PCDHA5: variants seen among roughly 807,000 people sequenced by gnomAD.
PCDHA5 encodes the protein protocadherin alpha 5, also known as protocadherin alpha-5.
A neutral mutation model predicts 61.6 loss-of-function variants in PCDHA5; 43 were observed. The ratio of observed to expected loss-of-function variants is 0.70; its 90% CI spans 0.55 to 0.90. PCDHA5 has a LOEUF of 0.90. PCDHA5 is among the 40% of genes least tolerant of loss of function. The pLI is 0.00. For missense variants in PCDHA5, 1,298 were observed against 1,222.7 expected (o/e 1.06, Z -0.92); for synonymous variants, 627 against 543.9 (o/e 1.15, Z -2.13).
Position 140,822,502 on chromosome 5 carries a change from A to C in PCDHA5, c.727A>C (p.Lys243Gln). 1 of 1,613,896 alleles carries C rather than the reference A, an allele frequency of 6.2e-7. No individual in the cohort carries two copies. The change falls in exon 1 of 4, where the codon AAA (lysine) becomes CAA (glutamine). Residue 243 changes from lysine to glutamine, a missense_variant. Lys to Gln is a moderately conservative substitution (Grantham distance 53). Coordinates refer to ENST00000529859, the MANE Select transcript of PCDHA5 (RefSeq NM_018908.3). Reference protein sequence around the residue: ...DANDNAPEFDKSIYNVRLLEN... With the variant: ...DANDNAPEFDQSIYNVRLLEN... ...TAATGATAACGCCCCAGAATTTGAT[A>C]AATCCATTTATAATGTCAGATTGTT...
At chr5:140,849,467 TA>T (rs2040919541) in intron 1 of PCDHA5, 1 of 1,589,264 alleles carries the variant, frequency 6.3e-7, no homozygotes, top group African/African-American at 1.4e-5. Flanking sequence ...AGGCTGTCGA[TA>T]AAGGCTTCCC....
intron 1 of PCDHA5, chr5:140,834,444 C>G: frequency 6.2e-7 from 1 of 1,614,020 alleles, no homozygotes; most frequent in Non-Finnish European, 8.5e-7. Flanking sequence ...TATTATAATT[C>G]TAGCAGCTTG....
chr5:140,937,492 C>T (rs1390017602), intron 1 of PCDHA5, among the ~76,000 whole-genome samples: 1 of 152,054 alleles, frequency 6.6e-6, no homozygotes, highest in African/African-American at 2.4e-5. Context: ...TGGCACATAC[C>T]CGTAATCCCA....
At chr5:140,853,868 T>C (rs2042891681) in intron 1 of PCDHA5, 1 of 983,114 alleles carries the variant, frequency 1.0e-6, no homozygotes, top group South Asian at 4.7e-5. Flanking sequence ...TACTTGACAG[T>C]GCAAGTTTCT....
At chr5:141,001,289 TGAGGCCCA>T (rs1387793441) in intron 3 of PCDHA5, among the ~76,000 whole-genome samples, 1 of 152,150 alleles carries the variant, frequency 6.6e-6, no homozygotes, top group Non-Finnish European at 1.5e-5. Context: ...GGATGAAAAC[TGAGGCCCA>T]GAGATATGAA....
rs1776053531 is a variant in PCDHA5 at position 140,839,144 on chromosome 5, A to G, written c.2352+15017A>G. ...ATATGTCATTCACATAAGCAGACCAAGTTTGCTGCTCTTGTTGAAAGATAT... is the reference window on the plus strand; with the variant it reads ...ATATGTCATTCACATAAGCAGACCAGGTTTGCTGCTCTTGTTGAAAGATAT... On this transcript the variant is annotated intron_variant, in intron 1 of 3. Transcript: ENST00000529859. Among the ~76,000 whole-genome samples, 3 of 136,814 alleles carry G rather than the reference A, an allele frequency of 2.2e-5. No individual in the cohort carries two copies. The South Asian group carries it at 7.1e-4, about 33-fold the overall frequency. The allele number at this position is 136,814 out of a possible 152,430, so 89.8% of individuals were successfully genotyped here.
chr5:140,830,645 T>C, intron 1 of PCDHA5: 1 of 469,736 alleles, frequency 2.1e-6, no homozygotes, highest in Non-Finnish European at 3.4e-6. Context: ...CTTTGCTTCT[T>C]TAATATTCAT....
intron 1 of PCDHA5, chr5:140,883,596 TG>T (rs1562791192): frequency 7.4e-6 from 12 of 1,613,794 alleles, no homozygotes; most frequent in Non-Finnish European, 1.0e-5. Context: ...AGCGTGTCGG[TG>T]GGGGTGGCCG....
chr5:140,930,822 G>A (rs1338942917), intron 1 of PCDHA5, among the ~76,000 whole-genome samples: 2 of 152,140 alleles, frequency 1.3e-5, no homozygotes, highest in Non-Finnish European at 2.9e-5. Context: ...CTTAGTAAAT[G>A]CTGACTGAAT....
At chr5:140,846,097 A>T (rs1554141144) in intron 1 of PCDHA5, among the ~76,000 whole-genome samples, 4 of 149,760 alleles carry the variant, frequency 2.7e-5, no homozygotes, top group Non-Finnish European at 1.5e-5. Flanking sequence ...CCTTCCAAGG[A>T]ATGTGTAGAC....
intron 1 of PCDHA5, chr5:140,828,179 C>T (rs1377583653): frequency 4.3e-6 from 7 of 1,614,050 alleles, no homozygotes; most frequent in Non-Finnish European, 5.1e-6. Flanking sequence ...GGGGAGCGGC[C>T]AGCTCCACTA....
intron 3 of PCDHA5, among the ~76,000 whole-genome samples, chr5:140,991,890 T>A (rs1192590580): frequency 1.3e-5 from 2 of 152,192 alleles, no homozygotes; most frequent in Non-Finnish European, 2.9e-5. Context: ...CCATAACAAA[T>A]TAACACAAAA....
intron 1 of PCDHA5, chr5:140,858,332 C>T: frequency 6.3e-7 from 1 of 1,596,258 alleles, no homozygotes; most frequent in East Asian, 2.2e-5. Context: ...TGGGGAGGGC[C>T]TGCCCAAGGC....
intron 1 of PCDHA5, chr5:140,877,691 T>G: frequency 6.2e-7 from 1 of 1,613,746 alleles, no homozygotes. Context: ...CCCACGCTGG[T>G]GTGCTCCAGC....
At chr5:140,835,493 A>G in intron 1 of PCDHA5, 1 of 1,613,914 alleles carries the variant, frequency 6.2e-7, no homozygotes, top group Admixed American at 1.7e-5. Context: ...CCGTCATCAC[A>G]TTGATTAGCG....
In PCDHA5 at chr5:140,958,013, G is replaced by A. The variant is rs553596138; in HGVS notation, c.2353-20936G>A. 2.6e-5 allele frequency among the ~76,000 whole-genome samples: 4 copies of A among 152,110 alleles called. No individual in the cohort carries two copies. In the South Asian group the frequency reaches 8.3e-4, roughly 32 times the overall value. On this transcript the variant is annotated intron_variant, in intron 1 of 3. Coordinates refer to ENST00000529859, the MANE Select transcript of PCDHA5 (RefSeq NM_018908.3). ...CAGATTTTTTGTTTCAATTCTATCA[G>A]CCAAGTATACTATGCTTTCTTTGCT...
chr5:140,941,578 G>A (rs1007298745), intron 1 of PCDHA5, among the ~76,000 whole-genome samples: 3 of 151,774 alleles, frequency 2.0e-5, no homozygotes, highest in Non-Finnish European at 4.4e-5. Context: ...GCCTCCCAAA[G>A]TGCTGGGATT....
At chr5:140,867,166 G>T (rs773226125) in intron 1 of PCDHA5, 1 of 152,006 alleles carries the variant, frequency 6.6e-6, no homozygotes, top group Non-Finnish European at 1.5e-5. Context: ...ACCTTCTAAG[G>T]TTCATTTCCC....
At chr5:140,937,162 C>A (rs2091378704) in intron 1 of PCDHA5, among the ~76,000 whole-genome samples, 1 of 151,684 alleles carries the variant, frequency 6.6e-6, no homozygotes, top group Non-Finnish European at 1.5e-5. Flanking sequence ...CTCAGCCTCC[C>A]GAGTAGCTGG....
Sources: gnomAD v4.1 joint callset for allele counts (sites outside exome capture counted in the v4.1 genomes callset) on GRCh38, gnomAD v4.1.1 for gene constraint, MANE v1.5 for transcripts, NCBI Gene and HGNC (gene_info 2026-07-23, HGNC 2026-07-21) for gene names.